The following ASAP1 variants were observed in gnomAD, a reference collection of about 807,000 sequenced individuals.
The protein encoded by ASAP1 is arf-GAP with SH3 domain, ANK repeat and PH domain-containing protein 1.
ASAP1 carries 43 observed loss-of-function variants against 145.2 expected under a neutral mutation model. The ratio of observed to expected loss-of-function variants is 0.30; its 90% CI spans 0.23 to 0.38. ASAP1 has a LOEUF of 0.38. ASAP1 is among the 10% of genes least tolerant of loss of function. The pLI is 1.00. For synonymous variants in ASAP1, 546 were observed against 515.5 expected (o/e 1.06, Z -0.80); for missense variants, 1,018 against 1,355.3 (o/e 0.75, Z 3.91).
At chr8:130,187,126 T>TTTATTGTTTAAC in intron 7 of ASAP1, 110 bp downstream of exon 7, 1 of 891,138 alleles carries the variant, frequency 1.1e-6, no homozygotes, top group South Asian at 1.6e-5. Context: ...TGTTGAGAAG[T>TTTATTGTTTAAC]TATTAGTTAA....
intron 3 of ASAP1, among the ~76,000 whole-genome samples, chr8:130,339,996 C>A (rs1257483943): frequency 6.6e-6 from 1 of 152,226 alleles, no homozygotes; most frequent in Admixed American, 6.5e-5. Flanking sequence ...TTCAAGGCTT[C>A]CGTGTGTGTA....
intron 13 of ASAP1, among the ~76,000 whole-genome samples, chr8:130,151,835 G>C (rs957466528): frequency 1.4e-4 from 22 of 152,356 alleles, no homozygotes; most frequent in African/African-American, 4.8e-4. Flanking sequence ...TGCAGGAAGA[G>C]AGAGAAAGGC....
intron 1 of ASAP1, among the ~76,000 whole-genome samples, chr8:130,427,286 C>T (rs1829956718): frequency 6.6e-6 from 1 of 152,176 alleles, no homozygotes; most frequent in Non-Finnish European, 1.5e-5. Context: ...TCCCAGGAGC[C>T]ACCATGTCTC....
chr8:130,430,809 G>A (rs1054775783), intron 1 of ASAP1, among the ~76,000 whole-genome samples: 7 of 152,204 alleles, frequency 4.6e-5, no homozygotes, highest in African/African-American at 7.2e-5. Flanking sequence ...AGTGACAGGC[G>A]TGAAGGGAGT....
At position 130,060,800 on chromosome 8, in the gene ASAP1, GGGGCAGGTCCTTCATCTGTGGTTT is replaced by G; in HGVS notation, c.2947_2970del (p.Lys983_Pro990del). On this transcript the variant is annotated inframe_deletion, in exon 28 of 30. Transcript: ENST00000518721. ...AGCAGGTCTCCCAGCTGTGGTTTGG[GGGGCAGGTCCTTCATCTGTGGTTT>G]GGGAGGTAAGTCTGAGAGTTGGGGT... is the stretch of plus-strand genomic sequence containing the variant. The G allele has an allele frequency of 6.2e-7, 1 of 1,614,076 alleles. No individual in the cohort carries two copies. Among genetic ancestry groups the G allele is most frequent in the Non-Finnish European group, 8.5e-7 (1 of 1,180,028 alleles).
chr8:130,430,186 G>A (rs1319412001), intron 1 of ASAP1, among the ~76,000 whole-genome samples: 1 of 152,082 alleles, frequency 6.6e-6, no homozygotes, highest in Non-Finnish European at 1.5e-5. Flanking sequence ...AGCTAAAAAG[G>A]AACAAAGGAA....
intron 3 of ASAP1, among the ~76,000 whole-genome samples, chr8:130,252,473 G>A (rs888002635): frequency 3.3e-5 from 5 of 152,022 alleles, no homozygotes; most frequent in African/African-American, 9.7e-5. Flanking sequence ...GCTTTTTCCT[G>A]AGCAATTTCA....
chr8:130,131,830 C>T (rs547902608), intron 15 of ASAP1, among the ~76,000 whole-genome samples: 182 of 152,030 alleles, frequency 1.2e-3, no homozygotes, highest in Non-Finnish European at 2.1e-3. Context: ...GTGCAAAATG[C>T]GCAACTTCAG....
intron 3 of ASAP1, among the ~76,000 whole-genome samples, chr8:130,304,557 A>G (rs1822877173): frequency 6.6e-6 from 1 of 152,218 alleles, no homozygotes; most frequent in Non-Finnish European, 1.5e-5. Context: ...TTACGTTTAC[A>G]CAACCAATAG....
At chr8:130,226,992 T>A (rs994258318) in intron 4 of ASAP1, among the ~76,000 whole-genome samples, 1 of 152,062 alleles carries the variant, frequency 6.6e-6, no homozygotes, top group East Asian at 1.9e-4. Context: ...TCTAAATAAA[T>A]AGGTGTTTAA....
intron 27 of ASAP1, among the ~76,000 whole-genome samples, chr8:130,074,477 AC>A (rs2097457550): frequency 6.7e-6 from 1 of 149,838 alleles, no homozygotes. Context: ...ACACACACAC[AC>A]ACACACACAG....
At chr8:130,189,106 T>G (rs916425637) in intron 5 of ASAP1, among the ~76,000 whole-genome samples, 4 of 152,234 alleles carry the variant, frequency 2.6e-5, no homozygotes, top group African/African-American at 9.6e-5. Flanking sequence ...CAATGTATAA[T>G]GATCGAATCA....
intron 1 of ASAP1, among the ~76,000 whole-genome samples, chr8:130,428,424 T>C (rs1476065286): frequency 5.1e-5 from 6 of 118,794 alleles, no homozygotes; most frequent in Non-Finnish European, 7.1e-5. Flanking sequence ...ACCATCACCA[T>C]CATCATCATC....
chr8:130,300,562 A>AT (rs549817423), intron 3 of ASAP1, among the ~76,000 whole-genome samples: 175 of 152,272 alleles, frequency 1.1e-3, no homozygotes, highest in Non-Finnish European at 2.0e-3. Flanking sequence ...TGTGGCCTAG[A>AT]TTTTTAAGAG....
At chr8:130,265,975 A>T (rs1263372934) in intron 3 of ASAP1, among the ~76,000 whole-genome samples, 12 of 152,224 alleles carry the variant, frequency 7.9e-5, no homozygotes, top group Admixed American at 7.8e-4. Flanking sequence ...GTAAGCAGTA[A>T]GCATGTGAGG....
At chr8:130,441,117 T>C (rs1045825435) in intron 1 of ASAP1, among the ~76,000 whole-genome samples, 17 of 152,292 alleles carry the variant, frequency 1.1e-4, no homozygotes, top group Middle Eastern at 3.4e-3. Flanking sequence ...GAGGCTGACA[T>C]TGAAAGATGA....
intron 3 of ASAP1, among the ~76,000 whole-genome samples, chr8:130,238,072 G>C (rs1256640541): frequency 6.6e-6 from 1 of 152,128 alleles, no homozygotes; most frequent in Non-Finnish European, 1.5e-5. Context: ...CCCTGAAGAA[G>C]CCGAAAGGGA....
intron 3 of ASAP1, among the ~76,000 whole-genome samples, chr8:130,341,787 C>A (rs1346011259): frequency 6.6e-6 from 1 of 151,860 alleles, no homozygotes; most frequent in Non-Finnish European, 1.5e-5. Flanking sequence ...AGTCCTGGCA[C>A]CAAAAAGAGA....
intron 3 of ASAP1, among the ~76,000 whole-genome samples, chr8:130,353,448 CTTT>C (rs1323237039): frequency 6.6e-6 from 1 of 152,146 alleles, no homozygotes; most frequent in Non-Finnish European, 1.5e-5. Flanking sequence ...ACTTAGGCAC[CTTT>C]TTTAATCAGA....
Sources: gnomAD v4.1 joint callset for allele counts (sites outside exome capture counted in the v4.1 genomes callset) on GRCh38, gnomAD v4.1.1 for gene constraint, MANE v1.5 for transcripts, NCBI Gene and HGNC (gene_info 2026-07-23, HGNC 2026-07-21) for gene names.